SLX4IP: variants seen among roughly 807,000 people sequenced by gnomAD.
SLX4IP encodes the protein protein SLX4IP.
SLX4IP carries 34 observed loss-of-function variants against 32.9 expected under a neutral mutation model. That is an observed-to-expected ratio of 1.03 (90% confidence interval 0.79 to 1.38). The LOEUF is 1.38. SLX4IP is among the 40% of genes most tolerant of loss of function. SLX4IP has a pLI of 0.00. For missense variants in SLX4IP, 444 were observed against 479.0 expected, an observed-to-expected ratio of 0.93 and a Z score of 0.68; for synonymous variants, 172 against 171.7, an observed-to-expected ratio of 1.00 and a Z score of -0.01.
At chr20:10,525,580 C>G (rs2122455625) in intron 2 of SLX4IP, among the ~76,000 whole-genome samples, 1 of 152,258 alleles carries the variant, frequency 6.6e-6, no homozygotes, top group African/African-American at 2.4e-5. Context: ...TTTAGAGTTG[C>G]CTCTTTTTTG....
intron 2 of SLX4IP, among the ~76,000 whole-genome samples, chr20:10,476,142 C>CTG (rs143264128): frequency 0.68 from 102,497 of 150,842 alleles, 34,950 homozygotes; most frequent in South Asian, 0.8. Flanking sequence ...ACATCCCTCA[C>CTG]TGTGTGTGTG....
At chr20:10,622,548 C>T in intron 7 of SLX4IP, 111 bp from the exon 8 acceptor site, 1 of 1,441,650 alleles carries the variant, frequency 6.9e-7, no homozygotes, top group East Asian at 2.3e-5. Flanking sequence ...AGCGAGAGGG[C>T]AGGTAGTGCC....
intron 2 of SLX4IP, among the ~76,000 whole-genome samples, chr20:10,471,432 G>C (rs2065424117): frequency 6.6e-6 from 1 of 152,200 alleles, no homozygotes; most frequent in African/African-American, 2.4e-5. Context: ...AGAGCACCCA[G>C]CATAGCTGGG....
chr20:10,480,816 T>C (rs1375669440), intron 2 of SLX4IP, among the ~76,000 whole-genome samples: 1 of 152,244 alleles, frequency 6.6e-6, no homozygotes, highest in East Asian at 1.9e-4. Flanking sequence ...TGAGAACGTG[T>C]CCTCTTTGCC....
intron 2 of SLX4IP, among the ~76,000 whole-genome samples, chr20:10,522,673 A>G (rs2122451316): frequency 6.6e-6 from 1 of 152,266 alleles, no homozygotes; most frequent in African/African-American, 2.4e-5. Flanking sequence ...GAGGGAGGTC[A>G]TCTCATGCGC....
chr20:10,537,470 C>A (rs1488041847), intron 2 of SLX4IP, among the ~76,000 whole-genome samples: 1 of 152,158 alleles, frequency 6.6e-6, no homozygotes, highest in Non-Finnish European at 1.5e-5. Context: ...TACTATAACT[C>A]TTTTTAAAAT....
In SLX4IP at chr20:10,627,155, T is replaced by C. The variant is rs2067181890; in HGVS notation, c.*3776T>C. 6.6e-6 allele frequency: 1 copy of C among 152,182 alleles called. No homozygotes were observed. The highest frequency in any genetic ancestry group is 2.1e-4 in the South Asian group (1 of 4,830). The allele number at this position is 152,182 out of a possible 1,614,324, so 9.4% of individuals were successfully genotyped here. A position where few individuals can be genotyped will look rare whatever the true frequency, so the allele number is the denominator to read the frequency against. On this transcript the variant is annotated 3_prime_UTR_variant, in exon 8 of 8. Coordinates refer to ENST00000334534, the MANE Select transcript of SLX4IP (RefSeq NM_001009608.3). Reference sequence around the variant, plus strand: ...GTAATGAGTGGCCCTCCTTTGGAGGTAACAGATGCCTTTCCTAAGAACTCA... The same window carrying C: ...GTAATGAGTGGCCCTCCTTTGGAGGCAACAGATGCCTTTCCTAAGAACTCA...
intron 2 of SLX4IP, among the ~76,000 whole-genome samples, chr20:10,473,139 G>A (rs2065439928): frequency 6.6e-6 from 1 of 152,200 alleles, no homozygotes; most frequent in African/African-American, 2.4e-5. Context: ...AATAGCTGTG[G>A]GGCATGGCCA....
chr20:10,610,419 C>A (rs2066952674), intron 6 of SLX4IP, among the ~76,000 whole-genome samples: 1 of 152,244 alleles, frequency 6.6e-6, no homozygotes, highest in Non-Finnish European at 1.5e-5. Flanking sequence ...GAGACCCGCC[C>A]TTTTCATGGG....
rs190207157 is a variant in SLX4IP, at chr20:10,451,963, G to A, written c.-29-6213G>A. Among the ~76,000 whole-genome samples the A allele has an allele frequency of 2.2e-3, 335 of 152,196 alleles. 2 individuals are homozygous for A. The highest frequency in any genetic ancestry group is 7.4e-3 in the African/African-American group (307 of 41,524). On this transcript the variant is annotated intron_variant, in intron 1 of 7. Coordinates refer to ENST00000334534, the MANE Select transcript of SLX4IP (RefSeq NM_001009608.3). ...AGCCCTGGTGACAGAGTGAGACACC[G>A]TCTCAAAAACATAAAATAAAATAAA...
intron 2 of SLX4IP, among the ~76,000 whole-genome samples, chr20:10,499,891 C>A (rs1177050900): frequency 6.6e-6 from 1 of 151,974 alleles, no homozygotes. Flanking sequence ...GTCAAAAATA[C>A]AAATAAACCC....
chr20:10,495,474 G>C (rs2065659047), intron 2 of SLX4IP, among the ~76,000 whole-genome samples: 1 of 152,088 alleles, frequency 6.6e-6, no homozygotes, highest in Non-Finnish European at 1.5e-5. Context: ...TCGTAGTCCA[G>C]ATTTATTAAA....
intron 2 of SLX4IP, among the ~76,000 whole-genome samples, chr20:10,535,261 G>A (rs181110666): frequency 2.0e-4 from 30 of 152,272 alleles, no homozygotes; most frequent in African/African-American, 7.2e-4. Flanking sequence ...AATTGGATAA[G>A]TCCTAGTGCC....
chr20:10,620,628 A>C (rs1001520098), intron 6 of SLX4IP, among the ~76,000 whole-genome samples: 4 of 151,772 alleles, frequency 2.6e-5, no homozygotes, highest in African/African-American at 9.7e-5. Context: ...ATCTCGGCTC[A>C]CTGCAAGCTC....
In SLX4IP at chr20:10,442,818, TG is replaced by T. The variant is rs1289884820; in HGVS notation, c.-30+7366del. Among the ~76,000 whole-genome samples the T allele has an allele frequency of 1.2e-4, 18 of 152,216 alleles. 1 individual carries two copies. The highest frequency in any genetic ancestry group is 1.2e-3 in the Admixed American group (18 of 15,274). ...GCGTGTGTGCACACTTGCTTTTTAA[TG>T]ATCAGTAAAAAAAATTTAGAAAAGC... On this transcript the variant is annotated intron_variant, in intron 1 of 7. Coordinates refer to ENST00000334534, the MANE Select transcript of SLX4IP (RefSeq NM_001009608.3).
At chr20:10,602,244 C>T (rs1260016404) in intron 6 of SLX4IP, among the ~76,000 whole-genome samples, 3 of 152,150 alleles carry the variant, frequency 2.0e-5, no homozygotes, top group African/African-American at 7.2e-5. Flanking sequence ...CAGTACTTTT[C>T]CCCAGTGTAT....
intron 2 of SLX4IP, among the ~76,000 whole-genome samples, chr20:10,554,378 A>C (rs1488467996): frequency 1.3e-5 from 2 of 152,204 alleles, no homozygotes; most frequent in Non-Finnish European, 2.9e-5. Context: ...GGTTATTATA[A>C]ATAAAACTTC....
intron 1 of SLX4IP, among the ~76,000 whole-genome samples, chr20:10,448,659 G>A (rs1179848246): frequency 6.6e-6 from 1 of 152,186 alleles, no homozygotes; most frequent in African/African-American, 2.4e-5. Flanking sequence ...CACTCTGACA[G>A]CTCTGGGATC....
At chr20:10,579,467 G>C (rs188792900) in intron 4 of SLX4IP, among the ~76,000 whole-genome samples, 8 of 149,742 alleles carry the variant, frequency 5.3e-5, no homozygotes, top group Middle Eastern at 7.0e-3. Context: ...TCTCTCTGTC[G>C]CCCAGGCTGG....
Sources: allele counts gnomAD v4.1 joint callset (sites outside exome capture counted in the v4.1 genomes callset), GRCh38; gene constraint gnomAD v4.1.1; transcripts MANE v1.5; gene names NCBI Gene and HGNC (gene_info 2026-07-23, HGNC 2026-07-21).